ERC2: variants seen among roughly 807,000 people sequenced by gnomAD.
The protein encoded by ERC2 is ELKS/RAB6-interacting/CAST family member 2.
ERC2 carries 42 observed loss-of-function variants against 114.8 expected under a neutral mutation model. That is an observed-to-expected ratio of 0.37 (90% CI 0.29 to 0.47). The LOEUF is 0.47. Ranked by LOEUF, ERC2 falls within the 20% of genes least tolerant of loss-of-function variation. ERC2 has a pLI of 0.99. For missense variants in ERC2, 939 were observed against 1,150.7 expected (o/e 0.82, Z 2.66); for synonymous variants, 454 against 425.5 (o/e 1.07, Z -0.82).
chr3:55,534,480 G>A (rs2053867946), intron 17 of ERC2, among the ~76,000 whole-genome samples: 1 of 151,598 alleles, frequency 6.6e-6, no homozygotes, highest in Non-Finnish European at 1.5e-5. Context: ...GATCACTTGA[G>A]CCCAGGAGTC....
intron 6 of ERC2, among the ~76,000 whole-genome samples, chr3:56,127,624 G>A (rs2079950423): frequency 6.6e-6 from 1 of 151,926 alleles, no homozygotes. Context: ...TCGGGAGGCT[G>A]AGGCAGGAGA....
chr3:56,338,315 G>T (rs1254001608), intron 2 of ERC2, among the ~76,000 whole-genome samples: 1 of 152,172 alleles, frequency 6.6e-6, no homozygotes, highest in East Asian at 1.9e-4. Context: ...CAATAACAAA[G>T]CAACTCTTAA....
At position 56,441,591 on chromosome 3, in the gene ERC2, C is replaced by T. The variant is rs147364790; in HGVS notation, c.-140-6444G>A. ...AATATTCAGATTGATAAAGCTCTTA[C>T]TTCCCTAGGATAAATTCTTTTTGTT... is the stretch of plus-strand genomic sequence containing the variant. On this transcript the variant is annotated intron_variant, in intron 1 of 17. Coordinates refer to ENST00000288221, the MANE Select transcript of ERC2 (RefSeq NM_015576.3). Among the ~76,000 whole-genome samples the T allele has an allele frequency of 8.5e-3, 1,293 of 152,296 alleles. 21 individuals carry two copies. Among genetic ancestry groups the T allele is most frequent in the South Asian group, 0.072 (348 of 4,828 alleles).
At chr3:55,612,294 C>A (rs570991323) in intron 17 of ERC2, among the ~76,000 whole-genome samples, 1 of 152,314 alleles carries the variant, frequency 6.6e-6, no homozygotes, top group South Asian at 2.1e-4. Context: ...CAAGTACTGT[C>A]CTTCCCATGT....
At chr3:55,692,051 G>C (rs1273430128) in intron 16 of ERC2, among the ~76,000 whole-genome samples, 1 of 152,072 alleles carries the variant, frequency 6.6e-6, no homozygotes, top group South Asian at 2.1e-4. Context: ...TCCTCCCTAA[G>C]CAAAAGCTAG....
intron 2 of ERC2, among the ~76,000 whole-genome samples, chr3:56,314,597 T>G (rs1234197382): frequency 6.6e-6 from 1 of 151,966 alleles, no homozygotes; most frequent in Admixed American, 6.6e-5. Flanking sequence ...CCACTTCAAG[T>G]GCTAACTTGA....
chr3:55,896,202 G>A (rs1218727023), intron 13 of ERC2, among the ~76,000 whole-genome samples: 1 of 152,202 alleles, frequency 6.6e-6, no homozygotes, highest in Non-Finnish European at 1.5e-5. Flanking sequence ...GTCTTCAGAA[G>A]GGTTTCCACA....
intron 3 of ERC2, among the ~76,000 whole-genome samples, chr3:56,231,114 C>T (rs991367223): frequency 6.6e-6 from 1 of 152,204 alleles, no homozygotes; most frequent in African/African-American, 2.4e-5. Flanking sequence ...CAGTCTGATT[C>T]CAGGGCTCAT....
chr3:56,056,781 C>T (rs2076032403), intron 7 of ERC2, among the ~76,000 whole-genome samples: 1 of 152,122 alleles, frequency 6.6e-6, no homozygotes, highest in Non-Finnish European at 1.5e-5. Flanking sequence ...AAAAGCCAAT[C>T]AATATATTAA....
At chr3:56,435,281 G>C in intron 1 of ERC2, 134 bp from the exon 2 acceptor site, 2 of 263,020 alleles carry the variant, frequency 7.6e-6, no homozygotes, top group Non-Finnish European at 1.4e-5. Context: ...GATAGAAAGA[G>C]CCACACCCAT....
intron 17 of ERC2, among the ~76,000 whole-genome samples, chr3:55,675,894 CTTTTCTTTCTTTT>C (rs1332112167): frequency 3.2e-3 from 226 of 70,426 alleles, no homozygotes; most frequent in Non-Finnish European, 4.9e-3. Context: ...CTTTCTTTCT[CTTTTCTTTCTTTT>C]TTTTTTTTTT....
chr3:56,236,301 G>C (rs375582354), intron 3 of ERC2, among the ~76,000 whole-genome samples: 2 of 151,900 alleles, frequency 1.3e-5, no homozygotes, highest in East Asian at 1.9e-4. Flanking sequence ...AGTATCACTT[G>C]AGAAACCATA....
intron 7 of ERC2, among the ~76,000 whole-genome samples, chr3:56,025,504 A>G (rs976866377): frequency 6.6e-6 from 1 of 152,190 alleles, no homozygotes; most frequent in Non-Finnish European, 1.5e-5. Context: ...GGTTGCTGTC[A>G]GCTTCCAGAG....
chr3:55,845,493 G>T (rs2149225608), intron 14 of ERC2, among the ~76,000 whole-genome samples: 1 of 105,282 alleles, frequency 9.5e-6, no homozygotes, highest in African/African-American at 3.9e-5. Context: ...GACAGAGCGA[G>T]ACTCCGTCTC....
chr3:56,261,976 G>C (rs893385214), intron 3 of ERC2, among the ~76,000 whole-genome samples: 3 of 152,070 alleles, frequency 2.0e-5, no homozygotes, highest in African/African-American at 7.2e-5. Context: ...TTGGTTTTCT[G>C]TTCCTGTGTT....
At chr3:55,553,517 AC>A (rs2107438397) in intron 17 of ERC2, among the ~76,000 whole-genome samples, 2 of 151,780 alleles carry the variant, frequency 1.3e-5, no homozygotes, top group African/African-American at 4.8e-5. Context: ...ACGGTGGCTC[AC>A]CCCTGTAATC....
intron 16 of ERC2, among the ~76,000 whole-genome samples, chr3:55,690,049 A>C (rs1021831454): frequency 6.6e-6 from 1 of 152,164 alleles, no homozygotes; most frequent in Non-Finnish European, 1.5e-5. Flanking sequence ...TCTAAAAAGG[A>C]TCTGATGGGG....
At chr3:56,161,539 T>C (rs1339746649) in intron 4 of ERC2, among the ~76,000 whole-genome samples, 3 of 152,170 alleles carry the variant, frequency 2.0e-5, no homozygotes, top group Non-Finnish European at 2.9e-5. Flanking sequence ...CATGGAATGT[T>C]TTTTCCATTT....
At chr3:56,172,691 C>G (rs974203294) in intron 4 of ERC2, among the ~76,000 whole-genome samples, 6 of 152,120 alleles carry the variant, frequency 3.9e-5, no homozygotes, top group Non-Finnish European at 8.8e-5. Context: ...GAGATAAATA[C>G]TTTACTATTT....
Sources: gnomAD v4.1 joint callset for allele counts (sites outside exome capture counted in the v4.1 genomes callset) on GRCh38, gnomAD v4.1.1 for gene constraint, MANE v1.5 for transcripts, NCBI Gene and HGNC (gene_info 2026-07-23, HGNC 2026-07-21) for gene names.